The following TACC3 variants were observed in gnomAD, a reference collection of about 807,000 sequenced individuals.
The protein encoded by TACC3 is transforming acidic coiled-coil containing protein 3.
Under a neutral mutation model 86.0 loss-of-function variants are expected in TACC3, and 52 were observed. The observed-to-expected ratio is 0.60, with a 90% CI of 0.48 to 0.76. The LOEUF is 0.76. Among genes scored for constraint, TACC3 ranks in the 30% least tolerant of loss-of-function variants. The pLI, the probability that TACC3 is intolerant of heterozygous loss-of-function variation, is 0.00. For missense variants in TACC3, 1,120 were observed against 1,070.4 expected, an observed-to-expected ratio of 1.05 and a Z score of -0.65; for synonymous variants, 512 against 430.0, an observed-to-expected ratio of 1.19 and a Z score of -2.36.
intron 8 of TACC3, among the ~76,000 whole-genome samples, chr4:1,736,852 G>C (rs1383400889): frequency 1.3e-5 from 2 of 152,154 alleles, no homozygotes; most frequent in East Asian, 3.8e-4. Context: ...AGGGGTTGCA[G>C]GGAGCCGAGA....
chr4:1,737,316 A>C lies in TACC3; in HGVS notation c.1824A>C (p.Ala608=). ...TTGTGGAGTTCGATTTCTTGGGAGCACTGGACATTCCTGTAAGTCCTTGAG... is the reference window on the plus strand; with the variant it reads ...TTGTGGAGTTCGATTTCTTGGGAGCCCTGGACATTCCTGTAAGTCCTTGAG... ...AKLVEFDFLG[A]LDIPVPGPPP... Residue 608 remains alanine, a synonymous_variant, in exon 9 of 16, where the codon GCA becomes GCC. Transcript: ENST00000313288. The C allele has an allele frequency of 6.2e-7, 1 of 1,614,074 alleles. No homozygotes were observed. Among genetic ancestry groups the C allele is most frequent in the Non-Finnish European group, 8.5e-7 (1 of 1,179,988 alleles).
intron 1 of TACC3, among the ~76,000 whole-genome samples, chr4:1,722,645 C>T (rs1028013277): frequency 1.3e-5 from 2 of 152,212 alleles, no homozygotes; most frequent in African/African-American, 4.8e-5. Context: ...CACCAGGTGC[C>T]TGTGGGGTTC....
intron 10 of TACC3, 186 bp from the exon 11 acceptor site, chr4:1,739,516 G>C (rs1291599005): frequency 1.7e-6 from 1 of 602,120 alleles, no homozygotes; most frequent in Admixed American, 2.9e-5. Context: ...GCAGTCGGGT[G>C]CACGTGGAGC....
chr4:1,740,327 CTA>C, intron 12 of TACC3: 1 of 485,682 alleles, frequency 2.1e-6, no homozygotes, highest in Non-Finnish European at 3.7e-6. Flanking sequence ...CGCCGTGCGG[CTA>C]TGTCTAGCAG....
rs572734980 is a variant in TACC3, at chr4:1,736,254, T to C, written c.1748+420T>C. Among the ~76,000 whole-genome samples the C allele has an allele frequency of 1.8e-4, 28 of 151,790 alleles. No individual in the cohort carries two copies. In the South Asian group the frequency reaches 4.8e-3, roughly 26 times the overall value. On this transcript the variant is annotated intron_variant, in intron 8 of 15. Coordinates refer to ENST00000313288, the MANE Select transcript of TACC3 (RefSeq NM_006342.3). ...GCCTGGGCAACATGTTGAAACCCCGTCTCTACTAAAATACAAAAATTAGCC... is the reference window on the plus strand; with the variant it reads ...GCCTGGGCAACATGTTGAAACCCCGCCTCTACTAAAATACAAAAATTAGCC...
chr4:1,739,778 G>A lies in TACC3; in HGVS notation c.2018G>A (p.Gly673Glu). The A allele has an allele frequency of 6.3e-7, 1 of 1,583,840 alleles. No individual in the cohort carries two copies. The highest frequency in any genetic ancestry group is 8.6e-7 in the Non-Finnish European group (1 of 1,166,182). Residue 673 changes from glycine (G) to glutamate (E), a missense_variant and splice_region_variant, in exon 11 of 16, where the codon GGG (glycine) becomes GAG (glutamate). By Grantham distance (98) the Gly-to-Glu change is moderately conservative (BLOSUM62 -2). Coordinates refer to ENST00000313288, the MANE Select transcript of TACC3 (RefSeq NM_006342.3). Reference sequence around the variant, plus strand: ...CTCCACGGGAAGAACCTGGAACTGGGGTAAGGAGGCCCCGTCTCCTGTCCT... The same window carrying A: ...CTCCACGGGAAGAACCTGGAACTGGAGTAAGGAGGCCCCGTCTCCTGTCCT... ...EELHGKNLELGKIMDRFEEVV... is the reference protein window; with the variant it reads ...EELHGKNLELEKIMDRFEEVV...
At chr4:1,741,016 C>G (rs943143664) in intron 13 of TACC3, 30 bp downstream of exon 13, 1 of 1,574,822 alleles carries the variant, frequency 6.3e-7, no homozygotes, top group East Asian at 2.3e-5. Context: ...GTGTCCTCAC[C>G]TCGGAGGCTG....
chr4:1,729,181 T>C (rs1443030350), intron 4 of TACC3, among the ~76,000 whole-genome samples: 1 of 151,886 alleles, frequency 6.6e-6, no homozygotes, highest in Non-Finnish European at 1.5e-5. Flanking sequence ...CTTGCTGGGG[T>C]CTTGGCCGTG....
intron 3 of TACC3, among the ~76,000 whole-genome samples, chr4:1,725,880 A>G (rs1202004504): frequency 1.3e-5 from 2 of 152,266 alleles, no homozygotes; most frequent in Non-Finnish European, 2.9e-5. Context: ...CTGGGAAGGC[A>G]GTGCCGCCCC....
chr4:1,730,851 G>C (rs746552350), intron 4 of TACC3, 36 bp from the exon 5 acceptor site: 16 of 1,560,372 alleles, frequency 1.0e-5, no homozygotes, highest in South Asian at 4.5e-5. Flanking sequence ...GTTATGGGGT[G>C]GGGGGCATGG....
intron 13 of TACC3, chr4:1,741,753 C>T (rs1047915841): frequency 3.9e-5 from 6 of 152,296 alleles, no homozygotes; most frequent in Non-Finnish European, 7.3e-5. Flanking sequence ...TGAGCCACAC[C>T]TCATCTGAGT....
intron 10 of TACC3, among the ~76,000 whole-genome samples, chr4:1,739,091 G>A (rs1404603785): frequency 2.0e-5 from 3 of 152,152 alleles, no homozygotes; most frequent in Non-Finnish European, 2.9e-5. Context: ...GGCGGATCAC[G>A]AGGTCAAGAG....
chr4:1,723,629 G>T (rs1450875857), intron 2 of TACC3, 46 bp downstream of exon 2: 2 of 1,609,068 alleles, frequency 1.2e-6, no homozygotes, highest in Admixed American at 1.7e-5. Flanking sequence ...TTGCCCTAGG[G>T]CCTGCTTTCT....
chr4:1,738,829 C>T (rs924898878), intron 10 of TACC3, among the ~76,000 whole-genome samples: 3 of 151,686 alleles, frequency 2.0e-5, no homozygotes, highest in African/African-American at 4.8e-5. Flanking sequence ...AGTAGTTTGA[C>T]GGGAAGGACG....
rs753350024 is a variant in TACC3 at position 1,728,405 on chromosome 4, C to T, written c.1003C>T (p.Pro335Ser). Residue 335 changes from proline (P) to serine (S), a missense_variant, in exon 4 of 16, where the codon CCT (proline) becomes TCT (serine). By Grantham distance (74) the Pro-to-Ser change is moderately conservative. Transcript: ENST00000313288. ...GQMASSSRSGPVKLEFDVSDG... is the reference protein window; with the variant it reads ...GQMASSSRSGSVKLEFDVSDG... ...AATGGCCAGCTCCTCGAGGAGCGGACCTGTAAAACTAGAATTTGATGTATC... is the reference window on the plus strand; with the variant it reads ...AATGGCCAGCTCCTCGAGGAGCGGATCTGTAAAACTAGAATTTGATGTATC... The T allele has an allele frequency of 5.3e-5, 85 of 1,613,158 alleles. No homozygotes were observed. The highest frequency in any genetic ancestry group is 7.0e-5 in the Non-Finnish European group (83 of 1,180,014).
rs1331984151 is a variant in TACC3 at position 1,728,043 on chromosome 4, C to T, written c.641C>T (p.Ala214Val). Residue 214 changes from alanine to valine, a missense_variant, in exon 4 of 16, where the codon GCG (alanine) becomes GTG (valine). Physicochemically the swap from Ala to Val is moderately conservative, Grantham distance 64. Coordinates refer to ENST00000313288, the MANE Select transcript of TACC3 (RefSeq NM_006342.3). The stretch of plus-strand genomic sequence containing the variant: ...TGCAGGACAGAGTCCCAGCACAAAG[C>T]GGAGACTCCGCACGGAGCCGAGGAA... ...DPCRTESQHKAETPHGAEEEC... is the reference protein window; with the variant it reads ...DPCRTESQHKVETPHGAEEEC... The T allele has an allele frequency of 1.3e-5, 20 of 1,542,420 alleles. No individual in the cohort carries two copies. Among genetic ancestry groups the T allele is most frequent in the East Asian group, 2.3e-5 (1 of 42,942 alleles).
intron 3 of TACC3, among the ~76,000 whole-genome samples, chr4:1,727,130 C>CA (rs3216202): frequency 0.027 from 3,714 of 136,662 alleles, 157 homozygotes; most frequent in African/African-American, 0.088. Context: ...AAATCCGTCT[C>CA]AAAAAAAAAA....
chr4:1,728,572 A>G lies in TACC3; in HGVS notation c.1170A>G (p.Ala390=), dbSNP rs798759. ...EVEEDDGRSG[A]GEDPPMPASR... The stretch of plus-strand genomic sequence containing the variant: ...AGGAGGACGACGGTAGGAGCGGAGC[A>G]GGAGAGGACCCCCCCATGCCAGCTT... The change falls in exon 4 of 16, where the codon GCA becomes GCG. Residue 390 remains alanine (A), a synonymous_variant. Transcript: ENST00000313288. 686,318 of 1,613,714 alleles carry G rather than the reference A, an allele frequency of 0.43. 150,790 individuals are homozygous for G. Among genetic ancestry groups the G allele is most frequent in the Non-Finnish European group, 0.46 (543,845 of 1,179,892 alleles).
intron 4 of TACC3, among the ~76,000 whole-genome samples, chr4:1,729,366 G>T (rs1345509182): frequency 1.3e-5 from 2 of 152,126 alleles, no homozygotes; most frequent in African/African-American, 4.8e-5. Flanking sequence ...AGAAAAGACA[G>T]CTGGGCCCGG....
Sources: gnomAD v4.1 joint callset for allele counts (sites outside exome capture counted in the v4.1 genomes callset) on GRCh38, gnomAD v4.1.1 for gene constraint, MANE v1.5 for transcripts, NCBI Gene and HGNC (gene_info 2026-07-23, HGNC 2026-07-21) for gene names.